The following AKT3 variants were observed in gnomAD, a reference collection of about 807,000 sequenced individuals.
The protein encoded by AKT3 is RAC-gamma serine/threonine-protein kinase.
In AKT3, 15 loss-of-function variants were observed where a neutral mutation model predicts 65.3. That is an observed-to-expected ratio of 0.23 (90% CI 0.15 to 0.35). The LOEUF (loss-of-function observed/expected upper bound fraction) is 0.35. Among genes scored for constraint, AKT3 ranks in the 10% least tolerant of loss-of-function variants. The pLI, the probability that AKT3 is intolerant of heterozygous loss-of-function variation, is 1.00. For synonymous variants in AKT3, 206 were observed against 183.8 expected (o/e 1.12, Z -0.98); for missense variants, 243 against 576.5 (o/e 0.42, Z 5.92).
chr1:243,613,590 A>C, intron 8 of AKT3, 81 bp downstream of exon 8: 1 of 1,135,242 alleles, frequency 8.8e-7, no homozygotes, highest in East Asian at 2.5e-5. Flanking sequence ...GAACTGCTAT[A>C]TTGTAACTTG....
intron 3 of AKT3, among the ~76,000 whole-genome samples, chr1:243,665,742 A>C (rs1220732744): frequency 6.6e-6 from 1 of 152,252 alleles, no homozygotes; most frequent in Non-Finnish European, 1.5e-5. Flanking sequence ...TATGAGACCT[A>C]TAAGCTTTCA....
At chr1:243,510,792 G>A (rs76243949) in intron 13 of AKT3, among the ~76,000 whole-genome samples, 25,714 of 152,232 alleles carry the variant, frequency 0.17, 2,322 homozygotes, top group East Asian at 0.27. Context: ...GGATGGCACC[G>A]GAAGGTTTTA....
chr1:243,749,318 A>G (rs1005003385), intron 2 of AKT3, among the ~76,000 whole-genome samples: 1 of 152,072 alleles, frequency 6.6e-6, no homozygotes, highest in African/African-American at 2.4e-5. Context: ...TATTTCATTC[A>G]TCTCTAGTTG....
In AKT3 at chr1:243,502,896, C is replaced by A. The variant is rs751781333; in HGVS notation, c.*2353G>T. The A allele has an allele frequency of 1.7e-5, 4 of 233,156 alleles. No homozygotes were observed. The highest frequency in any genetic ancestry group is 3.4e-5 in the Non-Finnish European group (4 of 118,046). The allele number at this position is 233,156 out of a possible 1,614,324, so 14.4% of individuals were successfully genotyped here. A position where few individuals can be genotyped will look rare whatever the true frequency, so the allele number is the denominator to read the frequency against. ...ACTTTAAGATTTGCGGGAGAAAAAA[C>A]CAAAACAACAAAAAGCTGTGTGCTT... On this transcript the variant is annotated 3_prime_UTR_variant, in exon 14 of 14. Transcript: ENST00000673466.
chr1:243,814,846 G>A (rs947199649), intron 2 of AKT3: 11 of 152,328 alleles, frequency 7.2e-5, no homozygotes, highest in East Asian at 1.9e-4. Context: ...GCAAAACTAC[G>A]ATCAGCACTC....
intron 2 of AKT3, among the ~76,000 whole-genome samples, chr1:243,760,260 A>C (rs961469417): frequency 1.4e-5 from 2 of 142,312 alleles, no homozygotes; most frequent in Non-Finnish European, 3.0e-5. Flanking sequence ...CTGGGACTAC[A>C]GGCATGTACC....
downstream of AKT3, among the ~76,000 whole-genome samples, chr1:243,497,574 G>A (rs557523417): frequency 6.7e-5 from 10 of 150,180 alleles, no homozygotes; most frequent in Non-Finnish European, 1.5e-4. Context: ...GAACAGCTCC[G>A]ATAGTGATAA....
intron 2 of AKT3, among the ~76,000 whole-genome samples, chr1:243,707,267 T>A (rs1685862387): frequency 6.6e-6 from 1 of 152,208 alleles, no homozygotes; most frequent in African/African-American, 2.4e-5. Context: ...TTGTCTAGAC[T>A]ATCACTATTG....
rs1177422497 is a variant in AKT3 at position 243,501,310 on chromosome 1, T to C, written c.*3939A>G. On this transcript the variant is annotated 3_prime_UTR_variant, in exon 14 of 14. Transcript: ENST00000673466. ...CTAAGTTTGTTAATTTGCCATGACATGTTGTTAGAAATACACTCTAAGAAA... is the reference window on the plus strand; with the variant it reads ...CTAAGTTTGTTAATTTGCCATGACACGTTGTTAGAAATACACTCTAAGAAA... 3 of 233,024 alleles carry C rather than the reference T, an allele frequency of 1.3e-5. No homozygotes were observed. The highest frequency in any genetic ancestry group is 1.8e-4 in the South Asian group (1 of 5,524). 14.4% of individuals were successfully genotyped at this position (233,024 alleles called of 1,614,324 possible). A position where few individuals can be genotyped will look rare whatever the true frequency, so the allele number is the denominator to read the frequency against.
chr1:243,568,833 G>A (rs1218621104), intron 9 of AKT3, among the ~76,000 whole-genome samples: 3 of 152,168 alleles, frequency 2.0e-5, no homozygotes, highest in African/African-American at 4.8e-5. Flanking sequence ...TTTGCAGGCC[G>A]AGGCATGGTT....
intron 2 of AKT3, among the ~76,000 whole-genome samples, chr1:243,777,753 G>T (rs1690649531): frequency 6.6e-6 from 1 of 151,712 alleles, no homozygotes; most frequent in South Asian, 2.1e-4. Context: ...CATCTTTTTT[G>T]GAAGACATTA....
At chr1:243,674,612 A>C (rs191926948) in intron 3 of AKT3, among the ~76,000 whole-genome samples, 212 of 152,322 alleles carry the variant, frequency 1.4e-3, no homozygotes, top group Admixed American at 8.0e-3. Context: ...TTAATAAGTG[A>C]ATGTACCCAA....
chr1:243,712,952 GAA>G (rs1686252695), intron 2 of AKT3, among the ~76,000 whole-genome samples: 1 of 152,080 alleles, frequency 6.6e-6, no homozygotes, highest in African/African-American at 2.4e-5. Flanking sequence ...ACAACCATGA[GAA>G]AAAGAGTATG....
intron 2 of AKT3, among the ~76,000 whole-genome samples, chr1:243,799,030 G>C (rs1692220808): frequency 6.6e-6 from 1 of 152,210 alleles, no homozygotes; most frequent in Non-Finnish European, 1.5e-5. Context: ...GCACTTTTCT[G>C]AGCTGACTGA....
At chr1:243,826,409 G>A (rs1469772630) in intron 2 of AKT3, among the ~76,000 whole-genome samples, 3 of 152,100 alleles carry the variant, frequency 2.0e-5, no homozygotes, top group East Asian at 1.9e-4. Context: ...GCCATCTCCC[G>A]CTACAGAAAT....
chr1:243,661,267 A>T (rs1449797107), intron 4 of AKT3, among the ~76,000 whole-genome samples: 1 of 152,242 alleles, frequency 6.6e-6, no homozygotes, highest in African/African-American at 2.4e-5. Context: ...CTAAGCCAAA[A>T]GAACAAAGCT....
chr1:243,582,004 A>T (rs140465533), intron 8 of AKT3, among the ~76,000 whole-genome samples: 134 of 152,102 alleles, frequency 8.8e-4, no homozygotes, highest in Admixed American at 2.1e-3. Context: ...CAGAGCCTGA[A>T]GACCAGTATT....
At chr1:243,841,306 A>G (rs545854531) in intron 2 of AKT3, among the ~76,000 whole-genome samples, 1 of 152,194 alleles carries the variant, frequency 6.6e-6, no homozygotes, top group East Asian at 1.9e-4. Flanking sequence ...AACAGCTTAC[A>G]TTGTGTTAGA....
chr1:243,769,504 A>G (rs1018141812), intron 2 of AKT3, among the ~76,000 whole-genome samples: 15 of 152,292 alleles, frequency 9.8e-5, no homozygotes, highest in African/African-American at 2.9e-4. Context: ...AGGTGAGTTG[A>G]TATCTCACAT....
Sources: allele counts gnomAD v4.1 joint callset (sites outside exome capture counted in the v4.1 genomes callset), GRCh38; gene constraint gnomAD v4.1.1; transcripts MANE v1.5; gene names NCBI Gene and HGNC (gene_info 2026-07-23, HGNC 2026-07-21).